The following VAV2 variants were observed in gnomAD, a reference collection of about 807,000 sequenced individuals.
The protein encoded by VAV2 is guanine nucleotide exchange factor VAV2.
VAV2 carries 67 observed loss-of-function variants against 132.5 expected under a neutral mutation model. That is an observed-to-expected ratio of 0.51 (90% CI 0.42 to 0.62). The LOEUF (loss-of-function observed/expected upper bound fraction) is 0.62, where lower values mean the gene tolerates loss of function less well. Ranked by LOEUF, VAV2 falls within the 20% of genes least tolerant of loss-of-function variation. The pLI, the probability that VAV2 is intolerant of heterozygous loss-of-function variation, is 0.00. For synonymous variants in VAV2, 492 were observed against 443.5 expected (o/e 1.11, Z -1.37); for missense variants, 938 against 1,153.6 (o/e 0.81, Z 2.71).
At position 133,961,534 on chromosome 9, in the gene VAV2, G is replaced by A. The variant is rs574301749; in HGVS notation, c.205-22315C>T. ...TGGAGGGAGCCCTTTCCCACCCCCC[G>A]CTCAACAGGAACACAGCTGCTTCAC... On this transcript the variant is annotated intron_variant, in intron 1 of 29. Coordinates refer to ENST00000371850, the MANE Select transcript of VAV2 (RefSeq NM_001134398.2). This position sits in a 1 kb window ranked among gnomAD's most constrained non-coding sequence, Gnocchi z 4.1. Among the ~76,000 whole-genome samples the A allele has an allele frequency of 2.4e-3, 360 of 152,206 alleles. 1 individual carries two copies. The highest frequency in any genetic ancestry group is 3.1e-3 in the Non-Finnish European group (214 of 68,000).
rs887355418 is a variant in VAV2 at position 133,912,539 on chromosome 9, T to C, written c.321+26564A>G. On this transcript the variant is annotated intron_variant, in intron 2 of 29. Coordinates refer to ENST00000371850, the MANE Select transcript of VAV2 (RefSeq NM_001134398.2). The surrounding 1 kb of genome is among the most constrained non-coding windows in gnomAD (Gnocchi z 4.3). The stretch of plus-strand genomic sequence containing the variant: ...GAGCATGGGAGCTGCAGCCAAATTC[T>C]GGGGGTGGGGGCACACGGGGAGAGG... Among the ~76,000 whole-genome samples, 1 of 152,108 alleles carries C rather than the reference T, an allele frequency of 6.6e-6. No individual in the cohort carries two copies. The highest frequency in any genetic ancestry group is 2.4e-5 in the African/African-American group (1 of 41,420).
intron 1 of VAV2, among the ~76,000 whole-genome samples, chr9:133,958,384 T>C (rs1011322697): frequency 2.3e-4 from 34 of 149,632 alleles, no homozygotes; most frequent in Non-Finnish European, 4.3e-4. Context: ...CGGGCAGCAA[T>C]ACTGCTTTGT....
intron 4 of VAV2, among the ~76,000 whole-genome samples, chr9:133,821,231 C>A (rs921820353): frequency 6.6e-6 from 1 of 152,218 alleles, no homozygotes; most frequent in Admixed American, 6.5e-5. Context: ...GGAAAAACTC[C>A]ACACCCATGC....
chr9:133,786,666 A>G (rs1201000805), intron 16 of VAV2, among the ~76,000 whole-genome samples: 2 of 152,234 alleles, frequency 1.3e-5, no homozygotes, highest in Non-Finnish European at 2.9e-5. Flanking sequence ...CCCCCCGTGA[A>G]GCCATCCCCG....
intron 22 of VAV2, among the ~76,000 whole-genome samples, 179 bp downstream of exon 22, chr9:133,778,583 G>A (rs1040862636): frequency 2.0e-5 from 3 of 152,218 alleles, no homozygotes; most frequent in Admixed American, 1.3e-4. Flanking sequence ...ATGCCATGGC[G>A]CAGAACGGGG....
intron 1 of VAV2, among the ~76,000 whole-genome samples, chr9:133,975,092 C>A (rs543438640): frequency 1.0e-3 from 157 of 152,338 alleles, no homozygotes; most frequent in Non-Finnish European, 1.1e-3. Flanking sequence ...CAGGTGAAAG[C>A]ACCAACAGGC....
chr9:133,815,476 G>A (rs540794049), intron 4 of VAV2, among the ~76,000 whole-genome samples: 34 of 151,948 alleles, frequency 2.2e-4, no homozygotes, highest in African/African-American at 7.0e-4. Flanking sequence ...TTCCCGCCCC[G>A]AGCAACCACC....
intron 2 of VAV2, among the ~76,000 whole-genome samples, chr9:133,862,682 G>A (rs922332019): frequency 6.6e-5 from 10 of 152,192 alleles, no homozygotes; most frequent in Admixed American, 3.3e-4. Flanking sequence ...TCATAGGAAC[G>A]GAGCCCAGAG....
chr9:133,795,831 G>C (rs907846668), intron 11 of VAV2, 95 bp from the exon 12 acceptor site: 101 of 1,399,010 alleles, frequency 7.2e-5, no homozygotes, highest in Admixed American at 2.6e-4. Context: ...ACAGAACCAA[G>C]TCCTCAGAAG....
rs560167897 is a variant in VAV2 at position 133,880,423 on chromosome 9, C to T, written c.322-18991G>A. Among the ~76,000 whole-genome samples the T allele has an allele frequency of 9.2e-5, 14 of 152,318 alleles. 1 individual carries two copies. The South Asian group carries it at 1.7e-3, about 18-fold the overall frequency. ...TGGCCTTAGGGGCAGCCATGGGGAA[C>T]TCCCAGGTCAGAAAAGGCTGGATCT... On this transcript the variant is annotated intron_variant, in intron 2 of 29. Transcript: ENST00000371850.
intron 3 of VAV2, among the ~76,000 whole-genome samples, chr9:133,852,237 G>A (rs919262807): frequency 6.6e-6 from 1 of 151,880 alleles, no homozygotes; most frequent in Non-Finnish European, 1.5e-5. Flanking sequence ...TGGCTTGGTG[G>A]GTGCGTGGAT....
chr9:133,781,956 C>T (rs1038648867), intron 19 of VAV2, among the ~76,000 whole-genome samples: 1 of 152,114 alleles, frequency 6.6e-6, no homozygotes, highest in South Asian at 2.1e-4. Flanking sequence ...GGCGGGTGTG[C>T]GCGTCTGCAG....
intron 4 of VAV2, among the ~76,000 whole-genome samples, chr9:133,818,161 G>C (rs549144981): frequency 6.6e-6 from 1 of 152,036 alleles, no homozygotes; most frequent in Non-Finnish European, 1.5e-5. Context: ...TCAGGAGATC[G>C]AGACCATCCT....
At position 133,828,448 on chromosome 9, in the gene VAV2, ACCAC is replaced by A. The variant is rs1230602500; in HGVS notation, c.449+5820_449+5823del. Among the ~76,000 whole-genome samples, 7 of 54,266 alleles carry A rather than the reference ACCAC, an allele frequency of 1.3e-4. 1 individual carries two copies. The highest frequency in any genetic ancestry group is 1.9e-3 in the East Asian group (2 of 1,074). 35.6% of individuals were successfully genotyped at this position (54,266 alleles called of 152,430 possible). ...CTGCGCCCACTGGGGCTGACCACTG[ACCAC>A]GGGCATCGCCAGCTACCGCTGCGCC... On this transcript the variant is annotated intron_variant, in intron 4 of 29. Transcript: ENST00000371850.
chr9:133,779,768 A>C, intron 21 of VAV2, 150 bp downstream of exon 21: 1 of 1,051,250 alleles, frequency 9.5e-7, no homozygotes, highest in Non-Finnish European at 1.3e-6. Context: ...CAGAGAGGCA[A>C]GAGGGAGGGG....
chr9:133,867,436 C>T (rs1837851009), intron 2 of VAV2, among the ~76,000 whole-genome samples: 1 of 152,210 alleles, frequency 6.6e-6, no homozygotes, highest in Non-Finnish European at 1.5e-5. Context: ...GGAAGGGTGC[C>T]ACGTGCTCTG....
At chr9:133,816,634 G>T (rs12337378) in intron 4 of VAV2, among the ~76,000 whole-genome samples, 1 of 152,072 alleles carries the variant, frequency 6.6e-6, no homozygotes, top group Non-Finnish European at 1.5e-5. Flanking sequence ...TAAGGAGGCT[G>T]AGGAAGGAGG....
intron 2 of VAV2, among the ~76,000 whole-genome samples, chr9:133,893,389 G>GTCCCA (rs1358606187): frequency 3.9e-5 from 6 of 152,230 alleles, no homozygotes; most frequent in Non-Finnish European, 7.3e-5. Flanking sequence ...CTGGTCCTCG[G>GTCCCA]TCCCACAGTC....
chr9:133,941,607 T>C (rs1404645867), intron 1 of VAV2, among the ~76,000 whole-genome samples: 2 of 9,362 alleles, frequency 2.1e-4, no homozygotes, highest in Non-Finnish European at 7.3e-4. Flanking sequence ...CCACTTTTTT[T>C]TGGGGGGGGG....
Sources: allele counts gnomAD v4.1 joint callset (sites outside exome capture counted in the v4.1 genomes callset), GRCh38; gene constraint gnomAD v4.1.1; non-coding constraint Gnocchi (gnomAD v3.1); transcripts MANE v1.5; gene names NCBI Gene and HGNC (gene_info 2026-07-23, HGNC 2026-07-21).